Variants in ARG2 observed in about 807,000 individuals in gnomAD.
The protein encoded by ARG2 is arginase 2.
In ARG2, 21 loss-of-function variants were observed where a neutral mutation model predicts 39.4. The ratio of observed to expected loss-of-function variants is 0.53; its 90% confidence interval spans 0.38 to 0.77. The LOEUF is 0.77. Ranked by LOEUF, ARG2 falls within the 30% of genes least tolerant of loss-of-function variation. The probability of loss-of-function intolerance (pLI) is 0.00; values close to 1 mark genes in which losing one functional copy is unlikely to be tolerated. For missense variants in ARG2, 378 were observed against 426.2 expected, an observed-to-expected ratio of 0.89 and a Z score of 1.00; for synonymous variants, 150 against 156.7, an observed-to-expected ratio of 0.96 and a Z score of 0.32.
chr14:67,632,012 C>T (rs1475436878), intron 2 of ARG2, among the ~76,000 whole-genome samples: 2 of 152,128 alleles, frequency 1.3e-5, no homozygotes, highest in African/African-American at 4.8e-5. Flanking sequence ...GTAGCTTGGA[C>T]CACAGGCTTG....
intron 2 of ARG2, among the ~76,000 whole-genome samples, chr14:67,640,517 G>A (rs1319274818): frequency 6.6e-6 from 1 of 152,152 alleles, no homozygotes; most frequent in African/African-American, 2.4e-5. Flanking sequence ...GCTTTGGATT[G>A]AGTTTGGGTT....
intron 6 of ARG2, chr14:67,647,741 T>C (rs1299822870): frequency 4.0e-6 from 1 of 248,992 alleles, no homozygotes; most frequent in Non-Finnish European, 7.7e-6. Context: ...GAAATCTCTC[T>C]ATTGACAGTT....
chr14:67,634,332 C>A (rs866397589), intron 2 of ARG2, among the ~76,000 whole-genome samples: 1 of 151,832 alleles, frequency 6.6e-6, no homozygotes, highest in South Asian at 2.1e-4. Flanking sequence ...ATGGCTCACA[C>A]CTGTAACCCC....
intron 2 of ARG2, among the ~76,000 whole-genome samples, chr14:67,631,250 C>T (rs1020120783): frequency 6.6e-6 from 1 of 152,124 alleles, no homozygotes; most frequent in Non-Finnish European, 1.5e-5. Context: ...AATGTGGCTT[C>T]GTAGGCCATC....
At chr14:67,631,772 C>T (rs963617318) in intron 2 of ARG2, among the ~76,000 whole-genome samples, 4 of 152,158 alleles carry the variant, frequency 2.6e-5, no homozygotes, top group African/African-American at 9.7e-5. Context: ...TGTCAGTGTT[C>T]TCAGGATTCT....
At chr14:67,642,788 A>ATTTTTTTTT (rs1169208904) in intron 3 of ARG2, among the ~76,000 whole-genome samples, 2 of 33,734 alleles carry the variant, frequency 5.9e-5, no homozygotes, top group South Asian at 1.0e-3. Flanking sequence ...ATGTTACTAC[A>ATTTTTTTTT]TTTTCTTTTT....
At chr14:67,620,823 C>G in intron 1 of ARG2, 71 bp from the exon 2 acceptor site, 1 of 1,521,094 alleles carries the variant, frequency 6.6e-7, no homozygotes, top group South Asian at 1.1e-5. Flanking sequence ...CTGCTGGGAA[C>G]TAAATGTACC....
At chr14:67,628,981 T>G (rs1264404423) in intron 2 of ARG2, among the ~76,000 whole-genome samples, 1 of 152,222 alleles carries the variant, frequency 6.6e-6, no homozygotes, top group African/African-American at 2.4e-5. Flanking sequence ...AAGTGTCCAT[T>G]GATGGATGAA....
chr14:67,647,758 A>G (rs1374672728), intron 6 of ARG2: 2 of 314,770 alleles, frequency 6.4e-6, no homozygotes, highest in South Asian at 6.2e-5. Context: ...AGTTATTAGT[A>G]TAAGAGGTTC....
chr14:67,649,503 A>G (rs1176367695), intron 7 of ARG2: 1 of 152,208 alleles, frequency 6.6e-6, no homozygotes, highest in African/African-American at 2.4e-5. Context: ...GTCTGGAAAC[A>G]TAAGTCATGT....
chr14:67,621,024 C>T lies in ARG2; in HGVS notation c.184+58C>T, dbSNP rs543747085. The T allele has an allele frequency of 4.2e-5, 63 of 1,502,790 alleles. 2 individuals carry two copies. The South Asian group carries it at 7.0e-4, about 17-fold the overall frequency. The allele number at this position is 1,502,790 out of a possible 1,614,324, so 93.1% of individuals were successfully genotyped here. A position where few individuals can be genotyped will look rare whatever the true frequency, so the allele number is the denominator to read the frequency against. On this transcript the variant is annotated intron_variant, in intron 2 of 7. Coordinates refer to ENST00000261783, the MANE Select transcript of ARG2 (RefSeq NM_001172.4). ...GACTAGTAATAGACCACTTCAGAGT[C>T]TTTTCTCTGACATCCAGGGACTACA... is the stretch of plus-strand genomic sequence containing the variant.
At chr14:67,637,716 G>C (rs1416462425) in intron 2 of ARG2, among the ~76,000 whole-genome samples, 1 of 152,190 alleles carries the variant, frequency 6.6e-6, no homozygotes, top group Non-Finnish European at 1.5e-5. Flanking sequence ...ATTCAGTTAT[G>C]TAATTAACTA....
chr14:67,648,176 C>A lies in ARG2; in HGVS notation c.852C>A (p.His284Gln). Residue 284 changes from histidine to glutamine, a missense_variant, in exon 7 of 8, where the codon CAC becomes CAA. By Grantham distance (24) the His-to-Gln change is conservative (BLOSUM62 0). Coordinates refer to ENST00000261783, the MANE Select transcript of ARG2 (RefSeq NM_001172.4). ...REGMYIAEEI[H>Q]NTGLLSALDL... Reference sequence around the variant, plus strand: ...GCATGTATATTGCTGAGGAAATACACAATACAGGTATGTAGCAACCAGGTC... The same window carrying A: ...GCATGTATATTGCTGAGGAAATACAAAATACAGGTATGTAGCAACCAGGTC... The A allele has an allele frequency of 6.2e-7, 1 of 1,613,696 alleles. No individual in the cohort carries two copies. The highest frequency in any genetic ancestry group is 8.5e-7 in the Non-Finnish European group (1 of 1,179,770).
chr14:67,639,785 C>T (rs147581133), intron 2 of ARG2, among the ~76,000 whole-genome samples: 85 of 152,120 alleles, frequency 5.6e-4, no homozygotes, highest in African/African-American at 1.9e-3. Context: ...ATTCACCAGA[C>T]GTGGTGGCGC....
intron 1 of ARG2, among the ~76,000 whole-genome samples, chr14:67,620,536 A>G (rs563657236): frequency 1.4e-4 from 22 of 152,156 alleles, no homozygotes; most frequent in South Asian, 1.2e-3. Context: ...ATTAACTGGG[A>G]GGGAAATTGG....
chr14:67,627,281 A>ATATC (rs1303845234), intron 2 of ARG2, among the ~76,000 whole-genome samples: 3 of 146,356 alleles, frequency 2.0e-5, no homozygotes, highest in Non-Finnish European at 4.5e-5. Context: ...ATATATATAT[A>ATATC]TCTGAAACTT....
chr14:67,642,793 C>CTTTTTTTTTT lies in ARG2; in HGVS notation c.362+448_362+457dup, dbSNP rs869215946. 3.7e-3 allele frequency among the ~76,000 whole-genome samples: 278 copies of CTTTTTTTTTT among 75,556 alleles called. 77 individuals carry two copies. Among genetic ancestry groups the CTTTTTTTTTT allele is most frequent in the Middle Eastern group, 0.014 (1 of 74 alleles). The allele number at this position is 75,556 out of a possible 152,430, so 49.6% of individuals were successfully genotyped here. On this transcript the variant is annotated intron_variant, in intron 3 of 7. Transcript: ENST00000261783. Reference sequence around the variant, plus strand: ...CCCCTTTGGCATGTTACTACATTTTCTTTTTTTTTTTTTTTTTTTTTTTTT... The same window carrying CTTTTTTTTTT: ...CCCCTTTGGCATGTTACTACATTTTCTTTTTTTTTTTTTTTTTTTTTTTTTTTTTTTTTTT...
chr14:67,620,366 G>C (rs2140699657), intron 1 of ARG2, among the ~76,000 whole-genome samples: 1 of 152,276 alleles, frequency 6.6e-6, no homozygotes, highest in Middle Eastern at 3.4e-3. Context: ...AACGGTGGAT[G>C]CAGCTTGGGG....
At position 67,646,948 on chromosome 14, in the gene ARG2, G is replaced by T; in HGVS notation, c.645G>T (p.Gln215His). 1 of 1,609,620 alleles carries T rather than the reference G, an allele frequency of 6.2e-7. No homozygotes were observed. The highest frequency in any genetic ancestry group is 1.1e-5 in the South Asian group (1 of 90,976). ...TTATTTTAAAGAACTATGATATCCAGTATTTTTCCATGAGAGATATTGATC... is the reference window on the plus strand; with the variant it reads ...TTATTTTAAAGAACTATGATATCCATTATTTTTCCATGAGAGATATTGATC... ...EHFILKNYDIQYFSMRDIDRL... is the reference protein window; with the variant it reads ...EHFILKNYDIHYFSMRDIDRL... The change falls in exon 6 of 8, where the codon CAG (glutamine) becomes CAT (histidine). Residue 215 changes from glutamine to histidine, a missense_variant. Coordinates refer to ENST00000261783, the MANE Select transcript of ARG2 (RefSeq NM_001172.4).
Sources: allele counts gnomAD v4.1 joint callset (sites outside exome capture counted in the v4.1 genomes callset), GRCh38; gene constraint gnomAD v4.1.1; transcripts MANE v1.5; gene names NCBI Gene and HGNC (gene_info 2026-07-23, HGNC 2026-07-21).